Variants in C8orf34 observed in about 807,000 individuals in gnomAD.
C8orf34 encodes uncharacterized protein C8orf34.
In C8orf34, 65 loss-of-function variants were observed where a neutral mutation model predicts 68.3. The ratio of observed to expected loss-of-function variants is 0.95; its 90% CI spans 0.78 to 1.17. The LOEUF (loss-of-function observed/expected upper bound fraction) is 1.17, where lower values mean the gene tolerates loss of function less well. Among genes scored for constraint, C8orf34 ranks in the 50% most tolerant of loss-of-function variants. C8orf34 has a pLI of 0.00. For missense variants in C8orf34, 664 were observed against 655.4 expected (o/e 1.01, Z -0.14); for synonymous variants, 244 against 241.2 (o/e 1.01, Z -0.11).
At chr8:68,443,426 C>T (rs1387778923) in intron 2 of C8orf34, among the ~76,000 whole-genome samples, 4 of 152,012 alleles carry the variant, frequency 2.6e-5, no homozygotes, top group East Asian at 1.9e-4. Flanking sequence ...GATGGAGTCT[C>T]GCTCTGTCAC....
At chr8:68,357,282 C>A (rs1806789827) in intron 1 of C8orf34, among the ~76,000 whole-genome samples, 1 of 152,008 alleles carries the variant, frequency 6.6e-6, no homozygotes, top group Non-Finnish European at 1.5e-5. Context: ...ATATAATATG[C>A]AATAATGTTA....
intron 7 of C8orf34, among the ~76,000 whole-genome samples, chr8:68,539,892 T>A (rs745650166): frequency 1.3e-5 from 2 of 151,962 alleles, no homozygotes; most frequent in Non-Finnish European, 2.9e-5. Flanking sequence ...ACTAAATACA[T>A]GTTAACGGAA....
rs1253398452 is a variant in C8orf34 at position 68,343,597 on chromosome 8, T to TTA, written c.327+12259_327+12260insAT. ...ATGATGCTGTATGCCTAGCTAATTTTTTTTTTTTTTTTTTAAGACAGAGTC... is the reference window on the plus strand; with the variant it reads ...ATGATGCTGTATGCCTAGCTAATTTTTATTTTTTTTTTTTTTAAGACAGAGTC... On this transcript the variant is annotated intron_variant, in intron 1 of 13. Coordinates refer to ENST00000518698, the MANE Select transcript of C8orf34 (RefSeq NM_052958.4). Among the ~76,000 whole-genome samples the TTA allele has an allele frequency of 4.0e-5, 6 of 150,784 alleles. No homozygotes were observed. In the East Asian group the frequency reaches 1.2e-3, roughly 30 times the overall value.
intron 1 of C8orf34, among the ~76,000 whole-genome samples, chr8:68,431,874 A>G (rs1384373686): frequency 6.6e-6 from 1 of 152,166 alleles, no homozygotes; most frequent in African/African-American, 2.4e-5. Flanking sequence ...CCTAATCTTC[A>G]TTATTCAAGC....
intron 2 of C8orf34, among the ~76,000 whole-genome samples, chr8:68,441,116 T>G (rs1219265141): frequency 6.6e-6 from 1 of 152,052 alleles, no homozygotes; most frequent in African/African-American, 2.4e-5. Flanking sequence ...CTCTTCATTT[T>G]AAATCGCACA....
chr8:68,614,699 G>A (rs932257765), intron 7 of C8orf34, among the ~76,000 whole-genome samples: 7 of 152,272 alleles, frequency 4.6e-5, no homozygotes, highest in African/African-American at 1.7e-4. Context: ...TAGCCTTGTA[G>A]TATAGTTTGA....
At chr8:68,625,651 G>A in intron 7 of C8orf34, 1 of 701,548 alleles carries the variant, frequency 1.4e-6, no homozygotes. Context: ...TCAGCGGTGG[G>A]AAAGGTATGT....
intron 12 of C8orf34, chr8:68,790,758 A>C: frequency 1.7e-6 from 1 of 605,184 alleles, no homozygotes; most frequent in Non-Finnish European, 2.9e-6. Flanking sequence ...CAAATTCCAA[A>C]TATTTGAATC....
chr8:68,628,367 T>C (rs1051534207), intron 7 of C8orf34, among the ~76,000 whole-genome samples: 3 of 152,118 alleles, frequency 2.0e-5, no homozygotes, highest in Non-Finnish European at 2.9e-5. Context: ...GGCCTGAACA[T>C]CTTTCCTTCG....
Position 68,526,832 on chromosome 8 carries a change from C to T in C8orf34, c.938+4861C>T, listed in dbSNP as rs79601844. On this transcript the variant is annotated intron_variant, in intron 6 of 13. Transcript: ENST00000518698. ...CAAACTAAATGTTTACCAACCTATG[C>T]TCAGAAAGAAAGCGTGAAACTAAAC... Among the ~76,000 whole-genome samples, 1,324 of 152,260 alleles carry T rather than the reference C, an allele frequency of 8.7e-3. 10 individuals carry two copies. The highest frequency in any genetic ancestry group is 0.015 in the Non-Finnish European group (1,029 of 68,014).
At chr8:68,352,043 T>A in intron 1 of C8orf34, among the ~76,000 whole-genome samples, 1 of 149,144 alleles carries the variant, frequency 6.7e-6, no homozygotes, top group Admixed American at 6.6e-5. Flanking sequence ...TGAATCAGAC[T>A]TTTTTTTTAC....
chr8:68,793,677 C>T (rs895467957), intron 12 of C8orf34, among the ~76,000 whole-genome samples: 1 of 152,100 alleles, frequency 6.6e-6, no homozygotes, highest in African/African-American at 2.4e-5. Context: ...GGCAGAGCAT[C>T]AGGAAGAATA....
chr8:68,463,276 C>A (rs1229545440), intron 3 of C8orf34, among the ~76,000 whole-genome samples: 14 of 152,176 alleles, frequency 9.2e-5, no homozygotes, highest in South Asian at 2.1e-4. Flanking sequence ...CAATAACAGG[C>A]TCTGAAATTG....
At chr8:68,510,970 G>C (rs1814245735) in intron 5 of C8orf34, among the ~76,000 whole-genome samples, 1 of 152,156 alleles carries the variant, frequency 6.6e-6, no homozygotes, top group African/African-American at 2.4e-5. Flanking sequence ...ATAGATGAGG[G>C]TATGAGGCCA....
intron 12 of C8orf34, among the ~76,000 whole-genome samples, chr8:68,799,521 C>A (rs894765237): frequency 6.6e-6 from 1 of 152,162 alleles, no homozygotes; most frequent in African/African-American, 2.4e-5. Flanking sequence ...ACCTGCTTCA[C>A]CTCCTCAAAT....
In C8orf34 at chr8:68,677,056, G is replaced by A. The variant is rs112597522; in HGVS notation, c.1242-31938G>A. On this transcript the variant is annotated intron_variant, in intron 8 of 13. Transcript: ENST00000518698. ...TCATGGGAGCTACAAGATGAGATAT[G>A]GGTTGGGACACAGAGCCAAACTATA... is the stretch of plus-strand genomic sequence containing the variant. 7.5e-3 allele frequency among the ~76,000 whole-genome samples: 1,135 copies of A among 152,218 alleles called. 8 individuals are homozygous for A. Among genetic ancestry groups the A allele is most frequent in the African/African-American group, 0.026 (1,084 of 41,550 alleles).
intron 1 of C8orf34, among the ~76,000 whole-genome samples, chr8:68,408,490 A>G (rs922906232): frequency 4.6e-5 from 7 of 151,742 alleles, no homozygotes; most frequent in South Asian, 2.1e-4. Context: ...GAGGATCCCA[A>G]TTTTCATAGT....
intron 8 of C8orf34, among the ~76,000 whole-genome samples, chr8:68,651,692 C>A (rs1819362693): frequency 6.6e-6 from 1 of 152,058 alleles, no homozygotes; most frequent in South Asian, 2.1e-4. Context: ...TAAGTGGGAG[C>A]TAAACACTGG....
chr8:68,596,291 T>C (rs951876111), intron 7 of C8orf34, among the ~76,000 whole-genome samples: 5 of 152,230 alleles, frequency 3.3e-5, no homozygotes, highest in South Asian at 4.1e-4. Flanking sequence ...TCCGTCTCCA[T>C]TGGATAATCA....
Sources: gnomAD v4.1 joint callset for allele counts (sites outside exome capture counted in the v4.1 genomes callset) on GRCh38, gnomAD v4.1.1 for gene constraint, MANE v1.5 for transcripts, NCBI Gene and HGNC (gene_info 2026-07-23, HGNC 2026-07-21) for gene names.